CBFA2T2: variants seen among roughly 807,000 people sequenced by gnomAD.
CBFA2T2 encodes protein CBFA2T2.
CBFA2T2 carries 11 observed loss-of-function variants against 62.2 expected under a neutral mutation model. The observed-to-expected ratio is 0.18, with a 90% confidence interval of 0.11 to 0.29. CBFA2T2 has a LOEUF of 0.29. Among genes scored for constraint, CBFA2T2 ranks in the 10% least tolerant of loss-of-function variants. CBFA2T2 has a pLI of 1.00. For synonymous variants in CBFA2T2, 295 were observed against 287.5 expected (o/e 1.03, Z -0.27); for missense variants, 592 against 774.1 (o/e 0.76, Z 2.79).
Position 33,600,182 on chromosome 20 carries a change from G to GTTTTT in CBFA2T2, c.35-6749_35-6745dup, listed in dbSNP as rs1183371343. ...AAGTTAGAATTATCACTTTTGGAAA[G>GTTTTT]TTTTTTTTTTTTTTTTTTTTTTTTT... On this transcript the variant is annotated intron_variant, in intron 1 of 10. Transcript: ENST00000342704. Among the ~76,000 whole-genome samples, 59 of 62,066 alleles carry GTTTTT rather than the reference G, an allele frequency of 9.5e-4. 5 individuals are homozygous for GTTTTT. The highest frequency in any genetic ancestry group is 1.9e-3 in the African/African-American group (29 of 15,382). 40.7% of individuals were successfully genotyped at this position (62,066 alleles called of 152,430 possible).
chr20:33,523,980 G>A (rs1006819737), intron 1 of CBFA2T2, among the ~76,000 whole-genome samples: 1 of 151,982 alleles, frequency 6.6e-6, no homozygotes, highest in Non-Finnish European at 1.5e-5. Flanking sequence ...CACCACGCCC[G>A]GCCAGTGTGT....
At chr20:33,622,884 C>T (rs1333922162) in intron 4 of CBFA2T2, among the ~76,000 whole-genome samples, 1 of 152,216 alleles carries the variant, frequency 6.6e-6, no homozygotes, top group Admixed American at 6.5e-5. Context: ...AAATAAGGTA[C>T]AATCTCTTCC....
intron 1 of CBFA2T2, among the ~76,000 whole-genome samples, chr20:33,604,419 T>C (rs2015260365): frequency 6.6e-6 from 1 of 152,232 alleles, no homozygotes; most frequent in Non-Finnish European, 1.5e-5. Flanking sequence ...TTCACTTGCA[T>C]TGTAACAGAA....
At chr20:33,518,881 G>A (rs775929335) in intron 1 of CBFA2T2, among the ~76,000 whole-genome samples, 1 of 151,768 alleles carries the variant, frequency 6.6e-6, no homozygotes, top group Admixed American at 6.6e-5. Flanking sequence ...GAATGCACTG[G>A]AGCGATCTTG....
chr20:33,508,675 G>A (rs1004678617), intron 1 of CBFA2T2, among the ~76,000 whole-genome samples: 6 of 152,160 alleles, frequency 3.9e-5, no homozygotes, highest in East Asian at 3.9e-4. Flanking sequence ...GAAAACATGC[G>A]GTATTTGCTT....
chr20:33,589,346 T>C (rs1408525786), intron 1 of CBFA2T2, among the ~76,000 whole-genome samples: 1 of 152,224 alleles, frequency 6.6e-6, no homozygotes, highest in Non-Finnish European at 1.5e-5. Flanking sequence ...CAATGCATTG[T>C]AATAAAGCAC....
chr20:33,583,865 C>G (rs1458857142), intron 1 of CBFA2T2, among the ~76,000 whole-genome samples: 2 of 152,082 alleles, frequency 1.3e-5, no homozygotes, highest in Non-Finnish European at 2.9e-5. Context: ...GTGTATTTTT[C>G]CTTCTTGATT....
At chr20:33,622,818 T>G (rs17124828) in intron 4 of CBFA2T2, among the ~76,000 whole-genome samples, 4,576 of 152,310 alleles carry the variant, frequency 0.03, 208 homozygotes, top group African/African-American at 0.1. Context: ...TGTTTTAAAA[T>G]TATTATGTTC....
chr20:33,611,872 T>A (rs1192435589), intron 3 of CBFA2T2, among the ~76,000 whole-genome samples: 1 of 152,186 alleles, frequency 6.6e-6, no homozygotes, highest in African/African-American at 2.4e-5. Context: ...TTTAAGGTGG[T>A]GATTTAATTC....
At chr20:33,519,606 C>T (rs1016640944) in intron 1 of CBFA2T2, among the ~76,000 whole-genome samples, 9 of 152,076 alleles carry the variant, frequency 5.9e-5, no homozygotes, top group African/African-American at 2.2e-4. Flanking sequence ...ACCAGTCTAC[C>T]GTGGATACTC....
intron 1 of CBFA2T2, among the ~76,000 whole-genome samples, chr20:33,577,823 C>A (rs2013898168): frequency 6.6e-6 from 1 of 152,094 alleles, no homozygotes. Context: ...GAGATGGTAC[C>A]TTCTACTGTC....
chr20:33,579,503 T>A (rs2014006192), intron 1 of CBFA2T2, among the ~76,000 whole-genome samples: 1 of 152,114 alleles, frequency 6.6e-6, no homozygotes, highest in African/African-American at 2.4e-5. Flanking sequence ...CTCCTATTCT[T>A]TTTGTAGAAA....
chr20:33,581,018 C>T (rs879365254), intron 1 of CBFA2T2, among the ~76,000 whole-genome samples: 1 of 151,846 alleles, frequency 6.6e-6, no homozygotes, highest in Non-Finnish European at 1.5e-5. Flanking sequence ...CCTCCCTTGC[C>T]CTCCCCTCCC....
intron 3 of CBFA2T2, among the ~76,000 whole-genome samples, chr20:33,613,591 T>A (rs2015601728): frequency 6.6e-6 from 1 of 152,228 alleles, no homozygotes; most frequent in Non-Finnish European, 1.5e-5. Context: ...TGGGGCCTGG[T>A]CACATAGTCA....
At chr20:33,524,922 C>A (rs1046657663) in intron 1 of CBFA2T2, among the ~76,000 whole-genome samples, 1 of 152,160 alleles carries the variant, frequency 6.6e-6, no homozygotes, top group African/African-American at 2.4e-5. Flanking sequence ...GCAACCCTTG[C>A]CTCCCGGGTT....
At position 33,621,734 on chromosome 20, in the gene CBFA2T2, A is replaced by G. The variant is rs143835972; in HGVS notation, c.511-1381A>G. Among the ~76,000 whole-genome samples the G allele has an allele frequency of 1.1e-3, 169 of 152,328 alleles. 3 individuals carry two copies. Among genetic ancestry groups the G allele is most frequent in the Non-Finnish European group, 1.3e-4 (9 of 68,022 alleles). ...CATCATACAGATGGGTTATCTTACT[A>G]AAGTACTAATACCAGTTTTTTAAAA... is the stretch of plus-strand genomic sequence containing the variant. On this transcript the variant is annotated intron_variant, in intron 4 of 10. Transcript: ENST00000342704.
chr20:33,517,689 CTT>C (rs34816419), intron 1 of CBFA2T2, among the ~76,000 whole-genome samples: 296 of 135,380 alleles, frequency 2.2e-3, no homozygotes, highest in Non-Finnish European at 2.6e-3. Context: ...TATATTTTGC[CTT>C]TTTTTTTTTT....
chr20:33,606,517 C>A (rs185776879), intron 1 of CBFA2T2, among the ~76,000 whole-genome samples: 2 of 152,280 alleles, frequency 1.3e-5, no homozygotes, highest in Non-Finnish European at 2.9e-5. Context: ...AATGTGTCCC[C>A]TTCTCCCTCC....
intron 10 of CBFA2T2, among the ~76,000 whole-genome samples, chr20:33,641,143 C>G (rs1601121180): frequency 6.6e-6 from 1 of 152,232 alleles, no homozygotes; most frequent in East Asian, 1.9e-4. Context: ...CGCCATTCTC[C>G]TGCCTCAGCC....
Sources: allele counts gnomAD v4.1 joint callset (sites outside exome capture counted in the v4.1 genomes callset), GRCh38; gene constraint gnomAD v4.1.1; transcripts MANE v1.5; gene names NCBI Gene and HGNC (gene_info 2026-07-23, HGNC 2026-07-21).